Variants in DLG2 observed in about 807,000 individuals in gnomAD.
DLG2 encodes disks large homolog 2.
DLG2 carries 45 observed loss-of-function variants against 132.5 expected under a neutral mutation model. That is an observed-to-expected ratio of 0.34 (90% CI 0.27 to 0.44). The LOEUF (loss-of-function observed/expected upper bound fraction) is 0.44, where lower values mean the gene tolerates loss of function less well. Among genes scored for constraint, DLG2 ranks in the 20% least tolerant of loss-of-function variants. The pLI, the probability that DLG2 is intolerant of heterozygous loss-of-function variation, is 1.00. For missense variants in DLG2, 1,045 were observed against 1,196.9 expected, an observed-to-expected ratio of 0.87 and a Z score of 1.87; for synonymous variants, 424 against 419.6, an observed-to-expected ratio of 1.01 and a Z score of -0.13.
chr11:83,989,692 A>G (rs1293137460), intron 11 of DLG2, among the ~76,000 whole-genome samples: 2 of 152,200 alleles, frequency 1.3e-5, no homozygotes. Flanking sequence ...TATGTCACAC[A>G]GGGCTAATAA....
At chr11:85,414,520 AG>A (rs1244231304) in intron 3 of DLG2, among the ~76,000 whole-genome samples, 1 of 151,986 alleles carries the variant, frequency 6.6e-6, no homozygotes, top group Non-Finnish European at 1.5e-5. Flanking sequence ...CCTATCATAT[AG>A]TCCATCTTGG....
chr11:84,597,234 G>GAA, intron 6 of DLG2, among the ~76,000 whole-genome samples: 1 of 149,942 alleles, frequency 6.7e-6, no homozygotes, highest in South Asian at 2.1e-4. Context: ...AAAGAAAAAA[G>GAA]AAAAAAAAAT....
At chr11:85,171,933 T>G (rs1174397816) in intron 4 of DLG2, among the ~76,000 whole-genome samples, 2 of 152,074 alleles carry the variant, frequency 1.3e-5, no homozygotes, top group African/African-American at 4.8e-5. Context: ...TTCAGCCAAG[T>G]TTTTCAGACA....
chr11:83,531,867 C>T (rs2095754507), intron 21 of DLG2, among the ~76,000 whole-genome samples: 1 of 147,458 alleles, frequency 6.8e-6, no homozygotes, highest in Non-Finnish European at 1.5e-5. Context: ...GTCTTGAAAA[C>T]AATGTAAGTG....
At chr11:84,451,722 A>G (rs1310757595) in intron 7 of DLG2, among the ~76,000 whole-genome samples, 2 of 151,876 alleles carry the variant, frequency 1.3e-5, no homozygotes, top group African/African-American at 4.8e-5. Flanking sequence ...CTTACATTGT[A>G]TTGCAGAAAA....
chr11:83,475,827 G>A (rs2092565073), intron 22 of DLG2, among the ~76,000 whole-genome samples: 4 of 151,334 alleles, frequency 2.6e-5, no homozygotes, highest in Admixed American at 2.6e-4. Context: ...TTTCTGCTCA[G>A]GAGGGGTTGG....
intron 17 of DLG2, among the ~76,000 whole-genome samples, chr11:83,811,829 A>G (rs1194785130): frequency 2.0e-5 from 3 of 152,112 alleles, no homozygotes; most frequent in Non-Finnish European, 4.4e-5. Context: ...TATATTACTG[A>G]GCAAAAGATT....
intron 14 of DLG2, among the ~76,000 whole-genome samples, chr11:83,933,007 C>T (rs2080663721): frequency 6.6e-6 from 1 of 152,202 alleles, no homozygotes; most frequent in Admixed American, 6.5e-5. Flanking sequence ...GGGCTCCTCA[C>T]AGACTTCTCG....
At chr11:84,846,403 C>T (rs1236852533) in intron 6 of DLG2, among the ~76,000 whole-genome samples, 1 of 152,086 alleles carries the variant, frequency 6.6e-6, no homozygotes, top group Admixed American at 6.6e-5. Flanking sequence ...CCTAGTCTTC[C>T]CTATTACTCA....
intron 6 of DLG2, among the ~76,000 whole-genome samples, chr11:85,025,032 CA>C (rs1372147011): frequency 6.6e-6 from 1 of 152,108 alleles, no homozygotes; most frequent in African/African-American, 2.4e-5. Context: ...TACGTCTGTG[CA>C]ATATTACATG....
rs926222841 is a variant in DLG2, at chr11:85,246,307, A to G, written c.186+38913T>C. 2.6e-5 allele frequency among the ~76,000 whole-genome samples: 4 copies of G among 152,020 alleles called. 1 individual carries two copies. In the Admixed American group the frequency reaches 2.6e-4, roughly 10 times the overall value. On this transcript the variant is annotated intron_variant, in intron 4 of 27. Transcript: ENST00000376104. ...AATATAGAATTCAAGGTTTATTCAC[A>G]AAGAAACATGCATCAGACTAGCTGA...
intron 4 of DLG2, among the ~76,000 whole-genome samples, chr11:85,236,203 A>C (rs1428188414): frequency 6.6e-6 from 1 of 152,038 alleles, no homozygotes; most frequent in Non-Finnish European, 1.5e-5. Context: ...CTGACTCAAA[A>C]TCCAACACTA....
chr11:84,665,888 G>A (rs1247303057), intron 6 of DLG2, among the ~76,000 whole-genome samples: 2 of 152,166 alleles, frequency 1.3e-5, no homozygotes, highest in African/African-American at 4.8e-5. Context: ...AGTAAAAGAA[G>A]ATGTGGGAAT....
chr11:84,328,969 T>C (rs1434960222), intron 7 of DLG2, among the ~76,000 whole-genome samples: 1 of 152,222 alleles, frequency 6.6e-6, no homozygotes, highest in African/African-American at 2.4e-5. Flanking sequence ...AAGGATGATG[T>C]AGTGAACTTT....
intron 4 of DLG2, among the ~76,000 whole-genome samples, chr11:85,252,893 C>T (rs1276817180): frequency 2.0e-5 from 3 of 152,090 alleles, no homozygotes; most frequent in Non-Finnish European, 2.9e-5. Flanking sequence ...ATCCTTCTAG[C>T]AATTAAAACT....
intron 6 of DLG2, among the ~76,000 whole-genome samples, chr11:84,936,174 C>T (rs1170205315): frequency 6.6e-6 from 1 of 152,158 alleles, no homozygotes; most frequent in Non-Finnish European, 1.5e-5. Context: ...TATAAGTGAT[C>T]CTAGCTTTGG....
At chr11:85,190,870 T>A (rs995473154) in intron 4 of DLG2, among the ~76,000 whole-genome samples, 8 of 152,188 alleles carry the variant, frequency 5.3e-5, no homozygotes, top group Non-Finnish European at 1.0e-4. Flanking sequence ...ATGTTGGTGA[T>A]GTTGTGAAGA....
chr11:85,389,496 G>A (rs910787505), intron 3 of DLG2, among the ~76,000 whole-genome samples: 1 of 152,056 alleles, frequency 6.6e-6, no homozygotes, highest in African/African-American at 2.4e-5. Context: ...TCAAATACAA[G>A]AAGCTCAAAG....
At chr11:84,654,695 C>G (rs971559118) in intron 6 of DLG2, among the ~76,000 whole-genome samples, 1 of 152,180 alleles carries the variant, frequency 6.6e-6, no homozygotes, top group African/African-American at 2.4e-5. Context: ...CTGGATCTTA[C>G]TTACTTTTGA....
Sources: gnomAD v4.1 joint callset for allele counts (sites outside exome capture counted in the v4.1 genomes callset) on GRCh38, gnomAD v4.1.1 for gene constraint, MANE v1.5 for transcripts, NCBI Gene and HGNC (gene_info 2026-07-23, HGNC 2026-07-21) for gene names.